ADGRB3: variants seen among roughly 807,000 people sequenced by gnomAD.
The protein encoded by ADGRB3 is brain-specific angiogenesis inhibitor 3.
In ADGRB3, 37 loss-of-function variants were observed where a neutral mutation model predicts 193.4. The ratio of observed to expected loss-of-function variants is 0.19; its 90% CI spans 0.15 to 0.25. The LOEUF is 0.25. Ranked by LOEUF, ADGRB3 falls within the 10% of genes least tolerant of loss-of-function variation. ADGRB3 has a pLI of 1.00. For missense variants in ADGRB3, 1,637 were observed against 1,852.9 expected, an observed-to-expected ratio of 0.88 and a Z score of 2.14; for synonymous variants, 690 against 644.2, an observed-to-expected ratio of 1.07 and a Z score of -1.08.
At chr6:68,990,699 C>A (rs1769214751) in intron 10 of ADGRB3, among the ~76,000 whole-genome samples, 1 of 152,082 alleles carries the variant, frequency 6.6e-6, no homozygotes, top group Non-Finnish European at 1.5e-5. Context: ...AGATTCAATT[C>A]TATGTTGTGA....
intron 13 of ADGRB3, among the ~76,000 whole-genome samples, chr6:69,038,594 C>T (rs913677345): frequency 2.0e-5 from 3 of 152,102 alleles, no homozygotes; most frequent in Admixed American, 1.3e-4. Flanking sequence ...TCATGAATTA[C>T]TTGTGTAAAG....
intron 3 of ADGRB3, among the ~76,000 whole-genome samples, chr6:68,855,105 G>T (rs1764941638): frequency 6.6e-6 from 1 of 152,144 alleles, no homozygotes; most frequent in Non-Finnish European, 1.5e-5. Context: ...TAAGTCTTTT[G>T]CTGCATTTTG....
At chr6:69,145,614 G>T (rs1231534255) in intron 17 of ADGRB3, among the ~76,000 whole-genome samples, 4 of 152,192 alleles carry the variant, frequency 2.6e-5, no homozygotes, top group South Asian at 2.1e-4. Flanking sequence ...TGTCCAGGAA[G>T]AATGAGATAT....
At chr6:68,668,009 C>T (rs1483340176) in intron 3 of ADGRB3, among the ~76,000 whole-genome samples, 2 of 151,778 alleles carry the variant, frequency 1.3e-5, no homozygotes, top group African/African-American at 2.4e-5. Context: ...AGCCACATAA[C>T]CTTGTGAAAC....
intron 17 of ADGRB3, among the ~76,000 whole-genome samples, chr6:69,141,009 C>T (rs1388918789): frequency 4.6e-5 from 7 of 151,462 alleles, no homozygotes. Context: ...GAGTAATAAG[C>T]AGGACAAATA....
intron 8 of ADGRB3, among the ~76,000 whole-genome samples, chr6:68,973,166 G>A (rs1344878137): frequency 6.6e-6 from 1 of 152,232 alleles, no homozygotes; most frequent in Admixed American, 6.5e-5. Context: ...AAGAGTATAT[G>A]TGGGAAAAGA....
chr6:68,683,770 A>C (rs368738823), intron 3 of ADGRB3, among the ~76,000 whole-genome samples: 2 of 152,160 alleles, frequency 1.3e-5, no homozygotes, highest in African/African-American at 4.8e-5. Flanking sequence ...ATACCTGCTA[A>C]TAGTTTCCTT....
intron 13 of ADGRB3, among the ~76,000 whole-genome samples, chr6:69,031,349 G>A (rs1770677595): frequency 1.3e-5 from 2 of 150,646 alleles, no homozygotes; most frequent in African/African-American, 4.9e-5. Flanking sequence ...GCTGAGGCAG[G>A]AGAATGATGT....
intron 13 of ADGRB3, among the ~76,000 whole-genome samples, chr6:69,038,897 A>T (rs907122116): frequency 1.3e-5 from 2 of 152,170 alleles, no homozygotes; most frequent in African/African-American, 4.8e-5. Flanking sequence ...ATCAACTGTA[A>T]TCTGAAAATA....
chr6:69,106,259 T>C (rs1773212928), intron 17 of ADGRB3, among the ~76,000 whole-genome samples: 1 of 151,952 alleles, frequency 6.6e-6, no homozygotes, highest in African/African-American at 2.4e-5. Context: ...TTTTATGTTA[T>C]ATTTTTATGT....
chr6:68,953,443 CT>C (rs1324783440), intron 6 of ADGRB3, among the ~76,000 whole-genome samples: 22 of 152,100 alleles, frequency 1.4e-4, no homozygotes, highest in African/African-American at 5.1e-4. Context: ...TTTATAAACC[CT>C]TCTCAGAATG....
At chr6:69,096,988 T>C (rs1772898893) in intron 17 of ADGRB3, among the ~76,000 whole-genome samples, 1 of 152,222 alleles carries the variant, frequency 6.6e-6, no homozygotes, top group African/African-American at 2.4e-5. Flanking sequence ...CTATTTGAAT[T>C]CCTGCTTTAT....
chr6:69,289,440 G>A (rs984840757), intron 20 of ADGRB3, among the ~76,000 whole-genome samples: 9 of 152,142 alleles, frequency 5.9e-5, no homozygotes, highest in Admixed American at 3.9e-4. Flanking sequence ...AGTGGAAGGA[G>A]GAGTCATTGC....
At chr6:68,725,104 G>C (rs943683685) in intron 3 of ADGRB3, among the ~76,000 whole-genome samples, 4 of 151,670 alleles carry the variant, frequency 2.6e-5, no homozygotes, top group African/African-American at 9.7e-5. Flanking sequence ...AGGCGGAAGA[G>C]ATGGGACATT....
chr6:69,283,746 C>T (rs1273317196), intron 20 of ADGRB3, among the ~76,000 whole-genome samples: 1 of 152,012 alleles, frequency 6.6e-6, no homozygotes, highest in Non-Finnish European at 1.5e-5. Context: ...ATGTGTAGTC[C>T]ACTTCATTTG....
chr6:69,115,666 A>T (rs1420327477), intron 17 of ADGRB3, among the ~76,000 whole-genome samples: 2 of 152,182 alleles, frequency 1.3e-5, no homozygotes, highest in African/African-American at 4.8e-5. Context: ...ATTAAAATGG[A>T]TCATATACAG....
chr6:69,185,852 A>G (rs1765055278), intron 17 of ADGRB3, among the ~76,000 whole-genome samples: 1 of 152,310 alleles, frequency 6.6e-6, no homozygotes, highest in Middle Eastern at 3.4e-3. Context: ...AGAATCTGGT[A>G]TCTAATTCAT....
intron 3 of ADGRB3, among the ~76,000 whole-genome samples, chr6:68,845,517 C>G (rs1403919065): frequency 1.3e-5 from 2 of 152,088 alleles, no homozygotes; most frequent in Non-Finnish European, 2.9e-5. Flanking sequence ...AATTGTATCT[C>G]CCAGAATTCC....
chr6:68,696,343 A>G (rs1484586303), intron 3 of ADGRB3, among the ~76,000 whole-genome samples: 1 of 151,816 alleles, frequency 6.6e-6, no homozygotes, highest in Non-Finnish European at 1.5e-5. Context: ...AATAATGTTA[A>G]TAAAGCCATC....
Sources: gnomAD v4.1 joint callset for allele counts (sites outside exome capture counted in the v4.1 genomes callset) on GRCh38, gnomAD v4.1.1 for gene constraint, MANE v1.5 for transcripts, NCBI Gene and HGNC (gene_info 2026-07-23, HGNC 2026-07-21) for gene names.